Variants in GALNT17 observed in about 807,000 individuals in gnomAD.
GALNT17 encodes polypeptide N-acetylgalactosaminyltransferase 17.
GALNT17 carries 29 observed loss-of-function variants against 63.7 expected under a neutral mutation model. The observed-to-expected ratio is 0.46, with a 90% confidence interval of 0.34 to 0.62. GALNT17 has a LOEUF of 0.62. GALNT17 is among the 20% of genes least tolerant of loss of function. GALNT17 has a pLI of 0.01. For missense variants in GALNT17, 603 were observed against 799.6 expected, an observed-to-expected ratio of 0.75 and a Z score of 2.97; for synonymous variants, 305 against 318.3, an observed-to-expected ratio of 0.96 and a Z score of 0.45.
chr7:71,548,494 A>T (rs1035965094), intron 5 of GALNT17, among the ~76,000 whole-genome samples: 1 of 152,158 alleles, frequency 6.6e-6, no homozygotes, highest in Non-Finnish European at 1.5e-5. Context: ...GTAGAAGGTA[A>T]TTGAATCATG....
intron 7 of GALNT17, among the ~76,000 whole-genome samples, chr7:71,666,852 T>A (rs1790993445): frequency 6.6e-6 from 1 of 152,252 alleles, no homozygotes; most frequent in Admixed American, 6.5e-5. Context: ...AAAAATATTT[T>A]CAGTCTGCAG....
Position 71,292,699 on chromosome 7 carries a change from GTGTGTGTGTGTGTT to G in GALNT17, c.239-42850_239-42837del, listed in dbSNP as rs1169234572. Among the ~76,000 whole-genome samples the G allele has an allele frequency of 5.3e-5, 8 of 150,896 alleles. No individual in the cohort carries two copies. The South Asian group carries it at 6.3e-4, about 12-fold the overall frequency. On this transcript the variant is annotated intron_variant, in intron 1 of 10. Coordinates refer to ENST00000333538, the MANE Select transcript of GALNT17 (RefSeq NM_022479.3). Reference sequence around the variant, plus strand: ...TGTGTGTGTGTGTGTGTGTGTGTGTGTGTGTGTGTGTGTTGGGCAGATTTAAGATCTATCCTCTT... The same window carrying G: ...TGTGTGTGTGTGTGTGTGTGTGTGTGGGGCAGATTTAAGATCTATCCTCTT...
chr7:71,431,171 CATTCTCACCCTATGAGT>C (rs1449473542), intron 5 of GALNT17, among the ~76,000 whole-genome samples: 23 of 150,732 alleles, frequency 1.5e-4, no homozygotes, highest in African/African-American at 5.6e-4. Context: ...ATTCGCTCCT[CATTCTCACCCTATGAGT>C]ATTTTTTTTT....
intron 1 of GALNT17, among the ~76,000 whole-genome samples, chr7:71,294,497 C>G (rs1791042360): frequency 6.7e-6 from 1 of 148,752 alleles, no homozygotes. Flanking sequence ...TCACTGCAAC[C>G]TCTGCCTCCC....
intron 5 of GALNT17, among the ~76,000 whole-genome samples, chr7:71,529,389 G>C (rs1788677622): frequency 1.3e-5 from 2 of 152,058 alleles, no homozygotes; most frequent in East Asian, 1.9e-4. Context: ...GGCCCGATGG[G>C]CGTATGGATA....
intron 8 of GALNT17, among the ~76,000 whole-genome samples, chr7:71,671,967 G>T (rs778234076): frequency 1.7e-4 from 25 of 148,226 alleles, no homozygotes; most frequent in Admixed American, 3.4e-4. Flanking sequence ...GGCAGAAGTT[G>T]CAGTGAGCTG....
At chr7:71,620,958 A>G (rs1790280511) in intron 6 of GALNT17, among the ~76,000 whole-genome samples, 2 of 152,328 alleles carry the variant, frequency 1.3e-5, no homozygotes, top group Admixed American at 6.5e-5. Context: ...CTGTGGGACA[A>G]TGGACTTTGT....
Position 71,639,790 on chromosome 7 carries a change from C to T in GALNT17, c.1081-25621C>T, listed in dbSNP as rs538099269. 2.6e-5 allele frequency among the ~76,000 whole-genome samples: 4 copies of T among 152,290 alleles called. No homozygotes were observed. The South Asian group carries it at 8.3e-4, about 32-fold the overall frequency. On this transcript the variant is annotated intron_variant, in intron 6 of 10. Coordinates refer to ENST00000333538, the MANE Select transcript of GALNT17 (RefSeq NM_022479.3). ...CATAAAGCATTGTTCTTGGTTGCAA[C>T]TTGGAGATTTCCATTATTGCTTTGG...
chr7:71,454,234 C>T (rs1274107205), intron 5 of GALNT17, among the ~76,000 whole-genome samples: 1 of 152,146 alleles, frequency 6.6e-6, no homozygotes, highest in Non-Finnish European at 1.5e-5. Flanking sequence ...CCCCAGACTC[C>T]ACCAACAGGC....
At position 71,182,261 on chromosome 7, in the gene GALNT17, C is replaced by T. The variant is rs188734656; in HGVS notation, c.238+49221C>T. Among the ~76,000 whole-genome samples the T allele has an allele frequency of 5.9e-3, 901 of 152,310 alleles. 11 individuals carry two copies. The highest frequency in any genetic ancestry group is 0.02 in the African/African-American group (850 of 41,562). On this transcript the variant is annotated intron_variant, in intron 1 of 10. Coordinates refer to ENST00000333538, the MANE Select transcript of GALNT17 (RefSeq NM_022479.3). ...TTTCTGGTTCAGTAAGAGGTGGAGA[C>T]GTGAGACATCAATCAGTCATCTCAG...
intron 5 of GALNT17, among the ~76,000 whole-genome samples, chr7:71,429,583 C>G (rs1205621524): frequency 1.3e-5 from 2 of 152,218 alleles, no homozygotes; most frequent in Non-Finnish European, 2.9e-5. Context: ...CACTCTGTTG[C>G]CCAGGCTAGA....
intron 1 of GALNT17, among the ~76,000 whole-genome samples, chr7:71,196,637 AATT>A (rs1450110104): frequency 1.3e-5 from 2 of 150,632 alleles, no homozygotes; most frequent in Non-Finnish European, 3.0e-5. Context: ...TTAAAAAAAA[AATT>A]ATTATTATTT....
At chr7:71,268,411 G>A (rs1790529374) in intron 1 of GALNT17, among the ~76,000 whole-genome samples, 1 of 151,272 alleles carries the variant, frequency 6.6e-6, no homozygotes, top group African/African-American at 2.4e-5. Flanking sequence ...AATTAGCCAG[G>A]TGTGGTGGCA....
At chr7:71,205,716 A>G (rs1193169465) in intron 1 of GALNT17, among the ~76,000 whole-genome samples, 2 of 152,214 alleles carry the variant, frequency 1.3e-5, no homozygotes, top group African/African-American at 4.8e-5. Flanking sequence ...TTGTTAGTGT[A>G]TAGAAATGCT....
intron 1 of GALNT17, among the ~76,000 whole-genome samples, chr7:71,320,097 A>C (rs1235924806): frequency 1.3e-5 from 2 of 152,274 alleles, no homozygotes; most frequent in African/African-American, 4.8e-5. Context: ...ATCAAGTCCA[A>C]CATTAGTGGC....
chr7:71,700,523 C>T (rs1030625532), intron 9 of GALNT17, among the ~76,000 whole-genome samples: 1 of 152,098 alleles, frequency 6.6e-6, no homozygotes, highest in Non-Finnish European at 1.5e-5. Context: ...GCTTGATGGA[C>T]TCCATCTAGT....
In GALNT17 at chr7:71,526,035, C is replaced by A. The variant is rs150397457; in HGVS notation, c.963-45250C>A. Among the ~76,000 whole-genome samples, 492 of 152,160 alleles carry A rather than the reference C, an allele frequency of 3.2e-3. 2 individuals are homozygous for A. The highest frequency in any genetic ancestry group is 0.011 in the African/African-American group (443 of 41,504). On this transcript the variant is annotated intron_variant, in intron 5 of 10. Transcript: ENST00000333538. Reference sequence around the variant, plus strand: ...GATTACAGGTGCCAGCCACCACGCCCGGCCTCGAGTATGTCGTTATCAGCA... The same window carrying A: ...GATTACAGGTGCCAGCCACCACGCCAGGCCTCGAGTATGTCGTTATCAGCA...
intron 6 of GALNT17, among the ~76,000 whole-genome samples, chr7:71,647,934 C>T (rs75118515): frequency 0.058 from 8,840 of 152,222 alleles, 851 homozygotes; most frequent in African/African-American, 0.2. Flanking sequence ...ACACCCATTG[C>T]GGGCTGTGCA....
At chr7:71,270,690 T>A (rs894120905) in intron 1 of GALNT17, among the ~76,000 whole-genome samples, 2 of 152,104 alleles carry the variant, frequency 1.3e-5, no homozygotes, top group Admixed American at 6.6e-5. Flanking sequence ...TCTGCCTCTT[T>A]CAGCAAATTT....
Sources: allele counts gnomAD v4.1 joint callset (sites outside exome capture counted in the v4.1 genomes callset), GRCh38; gene constraint gnomAD v4.1.1; transcripts MANE v1.5; gene names NCBI Gene and HGNC (gene_info 2026-07-23, HGNC 2026-07-21).